The following DSCAM variants were observed in gnomAD, a reference collection of about 807,000 sequenced individuals.
DSCAM encodes the protein DS cell adhesion molecule, also known as cell adhesion molecule DSCAM.
Under a neutral mutation model 217.7 loss-of-function variants are expected in DSCAM, and 47 were observed. The ratio of observed to expected loss-of-function variants is 0.22; its 90% confidence interval spans 0.17 to 0.28. The LOEUF is 0.28. Among genes scored for constraint, DSCAM ranks in the 10% least tolerant of loss-of-function variants. DSCAM has a pLI of 1.00. For synonymous variants in DSCAM, 1,056 were observed against 1,015.3 expected (o/e 1.04, Z -0.76); for missense variants, 2,080 against 2,618.3 (o/e 0.79, Z 4.49).
In DSCAM at chr21:40,037,394, C is replaced by T. The variant is rs1004360449; in HGVS notation, c.5686+4977G>A. Among the ~76,000 whole-genome samples, 201 of 147,206 alleles carry T rather than the reference C, an allele frequency of 1.4e-3. 11 individuals carry two copies. The highest frequency in any genetic ancestry group is 4.9e-3 in the African/African-American group (184 of 37,916). ...ATAACAGACAAACAGAGAGCCAAAT[C>T]ATGAGTGAACTCCCATTCACAATTG... On this transcript the variant is annotated intron_variant, in intron 32 of 32. Transcript: ENST00000400454.
chr21:40,058,687 A>G lies in DSCAM; in HGVS notation c.4920-2847T>C, dbSNP rs1008022105. 4.6e-5 allele frequency among the ~76,000 whole-genome samples: 7 copies of G among 152,214 alleles called. No individual in the cohort carries two copies. The East Asian group carries it at 1.3e-3, about 29-fold the overall frequency. ...TCCAACTAAGTTATTTCATTACTTA[A>G]TATTTGCTGTCACTTTTGACAATCT... On this transcript the variant is annotated intron_variant, in intron 28 of 32. Transcript: ENST00000400454.
At chr21:40,105,246 C>T (rs1365239281) in intron 20 of DSCAM, among the ~76,000 whole-genome samples, 1 of 152,138 alleles carries the variant, frequency 6.6e-6, no homozygotes. Context: ...GGACAAACAA[C>T]CACTGAGAAC....
chr21:40,485,458 G>A (rs1393646297), intron 3 of DSCAM, among the ~76,000 whole-genome samples: 5 of 151,498 alleles, frequency 3.3e-5, no homozygotes, highest in Non-Finnish European at 7.4e-5. Flanking sequence ...TAGCCAGGAT[G>A]GTCTCCATCT....
chr21:40,155,842 TGAGAAAAGG>T (rs1296681581), intron 16 of DSCAM, among the ~76,000 whole-genome samples: 8 of 151,798 alleles, frequency 5.3e-5, no homozygotes, highest in African/African-American at 1.9e-4. Context: ...GATGTCTTGA[TGAGAAAAGG>T]CAGGAAAGGA....
At chr21:40,697,301 TTTTTA>T (rs1943163455) in intron 2 of DSCAM, among the ~76,000 whole-genome samples, 2 of 152,234 alleles carry the variant, frequency 1.3e-5, no homozygotes, top group South Asian at 4.1e-4. Flanking sequence ...ACTTTGCTGA[TTTTTA>T]TTTTCTTTGC....
intron 22 of DSCAM, among the ~76,000 whole-genome samples, chr21:40,086,768 T>C (rs761298736): frequency 1.3e-5 from 2 of 152,190 alleles, no homozygotes; most frequent in Non-Finnish European, 2.9e-5. Context: ...TTTCTCAGGG[T>C]ATTTGAGTTA....
At chr21:40,081,043 C>G (rs1412291959) in intron 24 of DSCAM, among the ~76,000 whole-genome samples, 3 of 152,218 alleles carry the variant, frequency 2.0e-5, no homozygotes, top group Non-Finnish European at 4.4e-5. Flanking sequence ...ACAGTGACGA[C>G]TCTCCCACAG....
intron 3 of DSCAM, among the ~76,000 whole-genome samples, chr21:40,459,818 C>CA (rs56213421): frequency 3.8e-4 from 57 of 150,268 alleles, no homozygotes; most frequent in South Asian, 1.3e-3. Context: ...GCCCCCCACC[C>CA]AAAAAAAAAG....
rs538945813 is a variant in DSCAM at position 40,381,757 on chromosome 21, G to T, written c.509-12512C>A. Among the ~76,000 whole-genome samples the T allele has an allele frequency of 5.9e-5, 9 of 152,254 alleles. No individual in the cohort carries two copies. The East Asian group carries it at 1.5e-3, about 26-fold the overall frequency. On this transcript the variant is annotated intron_variant, in intron 3 of 32. Transcript: ENST00000400454. ...GGCCACTTAATATTATGGGATAATGGTTTTTCACACTTTGGGTTCACCTAC... is the reference window on the plus strand; with the variant it reads ...GGCCACTTAATATTATGGGATAATGTTTTTTCACACTTTGGGTTCACCTAC...
At chr21:40,693,056 T>C (rs2090555583) in intron 2 of DSCAM, 100 bp from the exon 3 acceptor site, 3 of 1,299,284 alleles carry the variant, frequency 2.3e-6, no homozygotes, top group Non-Finnish European at 3.1e-6. Context: ...CACACATCAA[T>C]TGCATAACAT....
chr21:40,312,853 C>G (rs1289103575), intron 8 of DSCAM, among the ~76,000 whole-genome samples: 1 of 152,150 alleles, frequency 6.6e-6, no homozygotes, highest in Non-Finnish European at 1.5e-5. Context: ...TGGCTCACAC[C>G]TGTAATCCCA....
chr21:40,443,910 C>A (rs1357894107), intron 3 of DSCAM, among the ~76,000 whole-genome samples: 1 of 152,148 alleles, frequency 6.6e-6, no homozygotes. Context: ...GCATTTATGT[C>A]AAGCTTTCTG....
chr21:40,042,305 G>C (rs2088765158), intron 32 of DSCAM, 66 bp downstream of exon 32: 1 of 1,550,180 alleles, frequency 6.5e-7, no homozygotes, highest in African/African-American at 1.4e-5. Context: ...TTTCACAGCA[G>C]ATGAGGGAGG....
chr21:40,339,624 A>T (rs981569314), intron 6 of DSCAM, among the ~76,000 whole-genome samples: 3 of 152,168 alleles, frequency 2.0e-5, no homozygotes, highest in Admixed American at 6.5e-5. Context: ...GCTTTCATCA[A>T]CTGTTTCTAT....
intron 3 of DSCAM, among the ~76,000 whole-genome samples, chr21:40,552,413 A>G (rs776912016): frequency 2.6e-5 from 4 of 152,196 alleles, no homozygotes; most frequent in Non-Finnish European, 5.9e-5. Flanking sequence ...CCTTTAGCAC[A>G]CTGCATTTCT....
chr21:40,049,255 C>G (rs16999225), intron 30 of DSCAM, among the ~76,000 whole-genome samples: 4,315 of 152,274 alleles, frequency 0.028, 212 homozygotes, highest in African/African-American at 0.099. Context: ...TTAGGGGACC[C>G]TGAAAGATGA....
intron 11 of DSCAM, among the ~76,000 whole-genome samples, chr21:40,234,362 A>G (rs1266665090): frequency 6.6e-6 from 1 of 152,196 alleles, no homozygotes; most frequent in African/African-American, 2.4e-5. Context: ...TGTAAAATGG[A>G]AATCATGGTC....
At chr21:40,143,416 T>C (rs2090315981) in intron 17 of DSCAM, among the ~76,000 whole-genome samples, 2 of 152,216 alleles carry the variant, frequency 1.3e-5, no homozygotes, top group African/African-American at 4.8e-5. Context: ...ATTCCAGTGT[T>C]CAGGCTGCAA....
chr21:40,056,530 T>C (rs1024674243), intron 28 of DSCAM, among the ~76,000 whole-genome samples: 1 of 146,770 alleles, frequency 6.8e-6, no homozygotes, highest in Admixed American at 6.8e-5. Flanking sequence ...TCGGATTCAG[T>C]TATAGCCTGC....
Sources: gnomAD v4.1 joint callset for allele counts (sites outside exome capture counted in the v4.1 genomes callset) on GRCh38, gnomAD v4.1.1 for gene constraint, MANE v1.5 for transcripts, NCBI Gene and HGNC (gene_info 2026-07-23, HGNC 2026-07-21) for gene names.